CRTAM: variants seen among roughly 807,000 people sequenced by gnomAD.
The protein encoded by CRTAM is cytotoxic and regulatory T cell molecule.
CRTAM carries 44 observed loss-of-function variants against 50.0 expected under a neutral mutation model. The observed-to-expected ratio is 0.88, with a 90% CI of 0.69 to 1.13. The LOEUF (loss-of-function observed/expected upper bound fraction) is 1.13. Among genes scored for constraint, CRTAM ranks in the 50% most tolerant of loss-of-function variants. The pLI is 0.00. For missense variants in CRTAM, 448 were observed against 457.5 expected (o/e 0.98, Z 0.19); for synonymous variants, 159 against 169.3 (o/e 0.94, Z 0.47).
At chr11:122,853,305 C>T (rs1010170448) in intron 3 of CRTAM, among the ~76,000 whole-genome samples, 1 of 151,776 alleles carries the variant, frequency 6.6e-6, no homozygotes, top group Non-Finnish European at 1.5e-5. Context: ...CTCCTGATCT[C>T]GTGATTTGCC....
Position 122,862,543 on chromosome 11 carries a change from TG to T in CRTAM, c.733+1del. 12 of 1,567,164 alleles carry T rather than the reference TG, an allele frequency of 7.7e-6. No homozygotes were observed. Among genetic ancestry groups the T allele is most frequent in the Non-Finnish European group, 1.0e-5 (12 of 1,145,572 alleles). On this transcript the variant is annotated frameshift_variant and splice_region_variant, in exon 6 of 10. Coordinates refer to ENST00000227348, the MANE Select transcript of CRTAM (RefSeq NM_019604.4). LOFTEE classifies it high-confidence loss of function. Reference sequence around the variant, plus strand: ...AAGACCCACAGCAGCCCACCAGTACTGGTAAGTGTCAAAATCATTCAAACTT... The same window carrying T: ...AAGACCCACAGCAGCCCACCAGTACTGTAAGTGTCAAAATCATTCAAACTT... ...SQDPQQPTST[V>X]SVTEDSSTSE...
chr11:122,850,379 C>T (rs1034902996), intron 2 of CRTAM, among the ~76,000 whole-genome samples, 165 bp downstream of exon 2: 4 of 152,206 alleles, frequency 2.6e-5, no homozygotes, highest in Non-Finnish European at 4.4e-5. Flanking sequence ...TTATTTTACA[C>T]GCAGTGGCTT....
chr11:122,857,563 C>T (rs1320854917), intron 5 of CRTAM, among the ~76,000 whole-genome samples: 4 of 152,242 alleles, frequency 2.6e-5, no homozygotes, highest in South Asian at 2.1e-4. Flanking sequence ...CAAAGAGAAA[C>T]GCCAGCATCA....
At chr11:122,851,234 C>G (rs1461037139) in intron 2 of CRTAM, among the ~76,000 whole-genome samples, 1 of 149,266 alleles carries the variant, frequency 6.7e-6, no homozygotes, top group Non-Finnish European at 1.5e-5. Context: ...CCACTGCACT[C>G]CAGCCTGGGC....
At chr11:122,842,657 G>T (rs1337786356) in intron 1 of CRTAM, among the ~76,000 whole-genome samples, 1 of 152,178 alleles carries the variant, frequency 6.6e-6, no homozygotes, top group Non-Finnish European at 1.5e-5. Flanking sequence ...CTAGAACTAA[G>T]TTATTACAGT....
At chr11:122,867,949 C>T in intron 8 of CRTAM, 64 bp from the exon 9 acceptor site, 1 of 992,380 alleles carries the variant, frequency 1.0e-6, no homozygotes, top group Non-Finnish European at 1.6e-6. Context: ...TTATCTTATT[C>T]AAATATACAT....
intron 9 of CRTAM, among the ~76,000 whole-genome samples, chr11:122,868,695 C>T (rs1397944650): frequency 6.6e-6 from 1 of 152,174 alleles, no homozygotes; most frequent in Admixed American, 6.5e-5. Context: ...AATTAACCAT[C>T]GCAATTAAGT....
chr11:122,847,539 AT>A (rs1861880192), intron 1 of CRTAM, among the ~76,000 whole-genome samples: 1 of 152,206 alleles, frequency 6.6e-6, no homozygotes, highest in Non-Finnish European at 1.5e-5. Context: ...TCTGAAGAAG[AT>A]CTGGGTGTTT....
At chr11:122,854,884 T>C (rs1861985024) in intron 4 of CRTAM, among the ~76,000 whole-genome samples, 1 of 152,152 alleles carries the variant, frequency 6.6e-6, no homozygotes, top group African/African-American at 2.4e-5. Context: ...TAATTAATTA[T>C]GGTGTCTGGG....
At chr11:122,866,634 C>T (rs958119700) in intron 7 of CRTAM, among the ~76,000 whole-genome samples, 24 of 149,152 alleles carry the variant, frequency 1.6e-4, no homozygotes, top group Admixed American at 1.4e-3. Context: ...AGAGACAGGT[C>T]TCATCTGTCT....
intron 5 of CRTAM, among the ~76,000 whole-genome samples, chr11:122,860,356 T>TAAAATGAAA (rs1862055807): frequency 6.6e-6 from 1 of 152,114 alleles, no homozygotes; most frequent in African/African-American, 2.4e-5. Context: ...GGCCTAAATT[T>TAAAATGAAA]TTAATATATT....
chr11:122,869,774 G>T (rs1260483438), intron 9 of CRTAM, among the ~76,000 whole-genome samples: 1 of 152,168 alleles, frequency 6.6e-6, no homozygotes, highest in African/African-American at 2.4e-5. Context: ...AGCGTGAACT[G>T]AAAAGAATGA....
chr11:122,839,565 T>C (rs773760618), intron 1 of CRTAM, among the ~76,000 whole-genome samples: 7 of 152,214 alleles, frequency 4.6e-5, no homozygotes, highest in Non-Finnish European at 1.0e-4. Flanking sequence ...AAATTAAGGA[T>C]AGAAGCAGTT....
In CRTAM at chr11:122,864,624, C is replaced by T; in HGVS notation, c.734-12C>T. The T allele has an allele frequency of 6.3e-7, 1 of 1,592,380 alleles. No homozygotes were observed. Among genetic ancestry groups the T allele is most frequent in the Non-Finnish European group, 8.6e-7 (1 of 1,160,476 alleles). On this transcript the variant is annotated splice_polypyrimidine_tract_variant and intron_variant, in intron 6 of 9. Transcript: ENST00000227348. ...GCATGCATAGCTCATGTTTTATCTT[C>T]TTTCACTTTAGTCTCAGTAACGGAA... is the stretch of plus-strand genomic sequence containing the variant.
In CRTAM at chr11:122,847,573, C is replaced by T. The variant is rs541958671; in HGVS notation, c.47-2495C>T. Among the ~76,000 whole-genome samples, 29 of 152,244 alleles carry T rather than the reference C, an allele frequency of 1.9e-4. No homozygotes were observed. The East Asian group carries it at 3.9e-3, about 20-fold the overall frequency. ...TTTTGGGTGACTGCCTCAACAGGAG[C>T]CTAGTGAGATGTTACAGCTCAAGAG... is the stretch of plus-strand genomic sequence containing the variant. On this transcript the variant is annotated intron_variant, in intron 1 of 9. Coordinates refer to ENST00000227348, the MANE Select transcript of CRTAM (RefSeq NM_019604.4).
intron 1 of CRTAM, among the ~76,000 whole-genome samples, chr11:122,841,501 C>T (rs1378427103): frequency 2.6e-5 from 4 of 151,056 alleles, no homozygotes; most frequent in Admixed American, 6.6e-5. Flanking sequence ...CCCGGGTTGA[C>T]GCCATTCTCC....
intron 2 of CRTAM, among the ~76,000 whole-genome samples, chr11:122,851,479 C>G (rs926300744): frequency 1.3e-5 from 2 of 152,128 alleles, no homozygotes; most frequent in African/African-American, 4.8e-5. Context: ...AAGAGGGACT[C>G]TCTCGGATTT....
intron 4 of CRTAM, among the ~76,000 whole-genome samples, chr11:122,854,848 A>T (rs1287101104): frequency 6.6e-6 from 1 of 152,180 alleles, no homozygotes; most frequent in Non-Finnish European, 1.5e-5. Flanking sequence ...AAGCACCTAA[A>T]GGTTGAGCCT....
intron 2 of CRTAM, among the ~76,000 whole-genome samples, chr11:122,851,315 T>C (rs1861926192): frequency 5.9e-5 from 9 of 151,898 alleles, no homozygotes; most frequent in Admixed American, 5.9e-4. Flanking sequence ...TAGATACTGA[T>C]ATGTTAACAT....
Sources: allele counts gnomAD v4.1 joint callset (sites outside exome capture counted in the v4.1 genomes callset), GRCh38; gene constraint gnomAD v4.1.1; transcripts MANE v1.5; gene names NCBI Gene and HGNC (gene_info 2026-07-23, HGNC 2026-07-21).